The following FMNL2 variants were observed in gnomAD, a reference collection of about 807,000 sequenced individuals.
FMNL2 encodes formin-like protein 2.
Under a neutral mutation model 130.2 loss-of-function variants are expected in FMNL2, and 51 were observed. The observed-to-expected ratio is 0.39, with a 90% CI of 0.31 to 0.49. The LOEUF (loss-of-function observed/expected upper bound fraction) is 0.49. Ranked by LOEUF, FMNL2 falls within the 20% of genes least tolerant of loss-of-function variation. FMNL2 has a pLI of 0.85. For missense variants in FMNL2, 977 were observed against 1,316.2 expected, an observed-to-expected ratio of 0.74 and a Z score of 3.99; for synonymous variants, 465 against 467.1, an observed-to-expected ratio of 1.00 and a Z score of 0.06.
intron 1 of FMNL2, among the ~76,000 whole-genome samples, chr2:152,496,686 C>T (rs1691533841): frequency 6.6e-6 from 1 of 152,122 alleles, no homozygotes; most frequent in South Asian, 2.1e-4. Flanking sequence ...TCCTTCTCCT[C>T]TTATTATTTA....
chr2:152,390,356 G>A (rs1260677615), intron 1 of FMNL2: 1 of 1,106,496 alleles, frequency 9.0e-7, no homozygotes, highest in East Asian at 2.3e-5. Flanking sequence ...AGGATGGCAA[G>A]GTGGTGACTG....
intron 6 of FMNL2, among the ~76,000 whole-genome samples, chr2:152,572,841 G>A (rs1265751235): frequency 6.6e-6 from 1 of 150,808 alleles, no homozygotes; most frequent in Non-Finnish European, 1.5e-5. Context: ...GGTAATTAAA[G>A]CAAAGAAACC....
intron 7 of FMNL2, among the ~76,000 whole-genome samples, chr2:152,576,405 A>G (rs1008716814): frequency 1.4e-4 from 21 of 152,230 alleles, no homozygotes; most frequent in African/African-American, 5.1e-4. Flanking sequence ...GATAATAATG[A>G]TGAAATGAAA....
At chr2:152,541,190 T>C (rs144317770) in intron 2 of FMNL2, among the ~76,000 whole-genome samples, 2,063 of 152,298 alleles carry the variant, frequency 0.014, 20 homozygotes, top group Middle Eastern at 0.027. Flanking sequence ...AGGGTCTCGC[T>C]CTGTTACCCA....
At chr2:152,349,629 C>T (rs1278771774) in intron 1 of FMNL2, among the ~76,000 whole-genome samples, 2 of 152,160 alleles carry the variant, frequency 1.3e-5, no homozygotes, top group Non-Finnish European at 2.9e-5. Flanking sequence ...AAAATCTGAC[C>T]TTAATCTCAA....
chr2:152,370,910 A>G (rs547694292), intron 1 of FMNL2, among the ~76,000 whole-genome samples: 9 of 152,244 alleles, frequency 5.9e-5, no homozygotes, highest in Non-Finnish European at 1.2e-4. Context: ...CGAGGTCGCA[A>G]TCATATGATG....
At chr2:152,388,375 A>AG (rs1684905031) in intron 1 of FMNL2, among the ~76,000 whole-genome samples, 1 of 152,168 alleles carries the variant, frequency 6.6e-6, no homozygotes, top group Non-Finnish European at 1.5e-5. Context: ...TCATGGTGGA[A>AG]GGGGAAGCAA....
At chr2:152,605,550 C>T (rs1055828585) in intron 9 of FMNL2, among the ~76,000 whole-genome samples, 2 of 152,144 alleles carry the variant, frequency 1.3e-5, no homozygotes, top group Admixed American at 6.5e-5. Flanking sequence ...GTCTTGAACT[C>T]TGGGGCTCAA....
chr2:152,599,437 T>A (rs1020267137), intron 9 of FMNL2, among the ~76,000 whole-genome samples: 11 of 132,246 alleles, frequency 8.3e-5, no homozygotes, highest in Non-Finnish European at 1.4e-4. Context: ...TTTTTTTTTT[T>A]AGAGAGGTAG....
chr2:152,495,880 A>G (rs573205740), intron 1 of FMNL2, among the ~76,000 whole-genome samples: 2 of 152,166 alleles, frequency 1.3e-5, no homozygotes, highest in East Asian at 3.9e-4. Flanking sequence ...TTCTTACCCT[A>G]GTCATTTCAC....
At chr2:152,374,210 A>C (rs146744053) in intron 1 of FMNL2, among the ~76,000 whole-genome samples, 48 of 152,334 alleles carry the variant, frequency 3.2e-4, no homozygotes, top group African/African-American at 1.1e-3. Context: ...GCAAAGGGGA[A>C]TCCTTCACCC....
intron 1 of FMNL2, among the ~76,000 whole-genome samples, chr2:152,456,013 G>A (rs1376968931): frequency 2.0e-5 from 3 of 152,220 alleles, no homozygotes; most frequent in Non-Finnish European, 4.4e-5. Flanking sequence ...GCTGCACCTG[G>A]CTTCATATTT....
At chr2:152,500,979 G>A (rs1053187320) in intron 1 of FMNL2, among the ~76,000 whole-genome samples, 23 of 152,242 alleles carry the variant, frequency 1.5e-4, no homozygotes, top group African/African-American at 4.6e-4. Flanking sequence ...CGAGGCAGGC[G>A]CCACTCGGCT....
intron 3 of FMNL2, 138 bp from the exon 4 acceptor site, chr2:152,548,883 C>T: frequency 1.5e-6 from 1 of 656,446 alleles, no homozygotes; most frequent in Non-Finnish European, 2.5e-6. Context: ...AATTTGTGTG[C>T]TCTGCAACAA....
intron 1 of FMNL2, among the ~76,000 whole-genome samples, chr2:152,504,803 T>C (rs1359308197): frequency 6.6e-6 from 1 of 152,164 alleles, no homozygotes; most frequent in Non-Finnish European, 1.5e-5. Flanking sequence ...CCTGAATCAT[T>C]ACTGTCAGGC....
At chr2:152,546,361 G>A (rs939563917) in intron 3 of FMNL2, among the ~76,000 whole-genome samples, 48 of 152,198 alleles carry the variant, frequency 3.2e-4, no homozygotes, top group African/African-American at 1.1e-3. Flanking sequence ...GGGGGAGCGG[G>A]TGTGTCACAT....
intron 10 of FMNL2, among the ~76,000 whole-genome samples, chr2:152,607,870 T>C (rs756959070): frequency 1.3e-5 from 2 of 151,990 alleles, no homozygotes; most frequent in Non-Finnish European, 1.5e-5. Context: ...CCAAAATGAA[T>C]ATGCAGCAGT....
intron 1 of FMNL2, among the ~76,000 whole-genome samples, chr2:152,409,316 G>A (rs4664582): frequency 1 from 151,614 of 152,370 alleles, 75,438 homozygotes; most frequent in Middle Eastern, 1. Flanking sequence ...ATGATAAGAC[G>A]CCACTTATTA....
intron 25 of FMNL2, among the ~76,000 whole-genome samples, chr2:152,644,737 C>T (rs965213334): frequency 7.9e-5 from 12 of 152,198 alleles, no homozygotes; most frequent in Admixed American, 7.9e-4. Context: ...CTTCTGTGAT[C>T]AGATCATATC....
Sources: allele counts gnomAD v4.1 joint callset (sites outside exome capture counted in the v4.1 genomes callset), GRCh38; gene constraint gnomAD v4.1.1; transcripts MANE v1.5; gene names NCBI Gene and HGNC (gene_info 2026-07-23, HGNC 2026-07-21).